Variants in SHISA9 observed in about 807,000 individuals in gnomAD.
SHISA9 encodes the protein protein shisa-9.
A neutral mutation model predicts 38.0 loss-of-function variants in SHISA9; 13 were observed. The ratio of observed to expected loss-of-function variants is 0.34; its 90% CI spans 0.22 to 0.54. The LOEUF (loss-of-function observed/expected upper bound fraction) is 0.54. Ranked by LOEUF, SHISA9 falls within the 20% of genes least tolerant of loss-of-function variation. SHISA9 has a pLI of 0.91. For synonymous variants in SHISA9, 275 were observed against 242.0 expected, an observed-to-expected ratio of 1.14 and a Z score of -1.27; for missense variants, 538 against 575.8, an observed-to-expected ratio of 0.93 and a Z score of 0.67.
At chr16:13,246,862 A>G in the SHISA9 span, among the ~76,000 whole-genome samples, 1 of 152,112 alleles carries the variant, frequency 6.6e-6, no homozygotes, top group Admixed American at 6.6e-5. Flanking sequence ...AAAAAAAACA[A>G]TAAATGTTAT....
At chr16:13,077,370 A>G (rs561875699) in intron 2 of SHISA9, among the ~76,000 whole-genome samples, 66 of 152,150 alleles carry the variant, frequency 4.3e-4, no homozygotes, top group African/African-American at 1.6e-3. Context: ...TTGTCCTCAT[A>G]TTGAAGCACA....
chr16:13,560,633 G>C, the SHISA9 span, among the ~76,000 whole-genome samples: 1 of 151,830 alleles, frequency 6.6e-6, no homozygotes, highest in Non-Finnish European at 1.5e-5. Flanking sequence ...CTAGGTTCTA[G>C]GGATACAGAG....
the SHISA9 span, among the ~76,000 whole-genome samples, chr16:13,430,743 AC>A: frequency 1.6e-3 from 135 of 83,340 alleles, no homozygotes; most frequent in African/African-American, 3.9e-3. Context: ...CCATCTCTAA[AC>A]AAAAAAAAAA....
chr16:13,267,256 C>T, the SHISA9 span, among the ~76,000 whole-genome samples: 1 of 152,064 alleles, frequency 6.6e-6, no homozygotes, highest in Non-Finnish European at 1.5e-5. Flanking sequence ...AAATAAAAAT[C>T]ACAAGGAGGA....
Position 12,945,412 on chromosome 16 carries a change from TTTTATTTTTA to T in SHISA9, c.691+28603_691+28612del, listed in dbSNP as rs2141766053. On this transcript the variant is annotated intron_variant, in intron 2 of 4. Transcript: ENST00000558583. ...TGGATTCCTGGAAGAGAGAACTCTG[TTTTATTTTTA>T]TTTATAAAATCAATAAGTGTTATTT... is the stretch of plus-strand genomic sequence containing the variant. Among the ~76,000 whole-genome samples the T allele has an allele frequency of 1.3e-5, 2 of 152,302 alleles. 1 individual carries two copies. The highest frequency in any genetic ancestry group is 4.1e-4 in the South Asian group (2 of 4,828).
the SHISA9 span, among the ~76,000 whole-genome samples, chr16:13,362,557 G>A: frequency 6.6e-6 from 1 of 152,228 alleles, no homozygotes; most frequent in Non-Finnish European, 1.5e-5. Flanking sequence ...ATGAAGCAGG[G>A]AGTGGAGAAG....
chr16:13,494,529 T>G, the SHISA9 span, among the ~76,000 whole-genome samples: 1 of 151,744 alleles, frequency 6.6e-6, no homozygotes, highest in East Asian at 1.9e-4. Context: ...GCACTCAAAA[T>G]GCATAGAAAG....
At chr16:13,408,105 G>A in the SHISA9 span, among the ~76,000 whole-genome samples, 1 of 152,116 alleles carries the variant, frequency 6.6e-6, no homozygotes, top group Non-Finnish European at 1.5e-5. Context: ...TTTAGCAGAA[G>A]CTCTTTAGGG....
rs557408241 is a variant in SHISA9 at position 13,166,017 on chromosome 16, A to G, written c.692-37377A>G. The stretch of plus-strand genomic sequence containing the variant: ...GCCAGCTACTGAATTCTCCATGGGA[A>G]GCCATCCTCATAGTAATAGTTATTA... On this transcript the variant is annotated intron_variant, in intron 2 of 4. Coordinates refer to ENST00000558583, the MANE Select transcript of SHISA9 (RefSeq NM_001145204.3). Among the ~76,000 whole-genome samples the G allele has an allele frequency of 3.3e-5, 5 of 152,318 alleles. No individual in the cohort carries two copies. The East Asian group carries it at 9.7e-4, about 29-fold the overall frequency.
At chr16:13,135,773 G>A (rs139613147) in intron 2 of SHISA9, among the ~76,000 whole-genome samples, 150 of 152,268 alleles carry the variant, frequency 9.9e-4, no homozygotes, top group African/African-American at 3.5e-3. Flanking sequence ...AGATGCAAGG[G>A]CCAGCAAAAG....
intron 2 of SHISA9, among the ~76,000 whole-genome samples, chr16:12,922,769 C>G (rs1489612724): frequency 6.6e-6 from 1 of 152,124 alleles, no homozygotes; most frequent in Non-Finnish European, 1.5e-5. Flanking sequence ...ATCCACGTGC[C>G]TTAGCCTCCC....
At chr16:13,018,537 C>T (rs1354202362) in intron 2 of SHISA9, among the ~76,000 whole-genome samples, 1 of 152,178 alleles carries the variant, frequency 6.6e-6, no homozygotes, top group East Asian at 1.9e-4. Context: ...GCGAAGGTTC[C>T]ATCGGGATGA....
chr16:13,367,183 T>A, the SHISA9 span, among the ~76,000 whole-genome samples: 1 of 151,350 alleles, frequency 6.6e-6, no homozygotes, highest in South Asian at 2.1e-4. Flanking sequence ...AAATAAAATG[T>A]CCAAGAATGA....
chr16:12,914,844 G>T (rs530641935), intron 1 of SHISA9, among the ~76,000 whole-genome samples: 26 of 152,324 alleles, frequency 1.7e-4, no homozygotes, highest in African/African-American at 6.0e-4. Flanking sequence ...ACTCAGGAGG[G>T]CTAGATGGAT....
chr16:13,515,988 T>G, the SHISA9 span, among the ~76,000 whole-genome samples: 1 of 152,248 alleles, frequency 6.6e-6, no homozygotes, highest in Non-Finnish European at 1.5e-5. Context: ...ACACCTTTAA[T>G]GGACTGGATA....
chr16:13,492,467 G>A, the SHISA9 span, among the ~76,000 whole-genome samples: 1 of 152,120 alleles, frequency 6.6e-6, no homozygotes, highest in Non-Finnish European at 1.5e-5. Flanking sequence ...TCTTGGCAAG[G>A]GATTTTTAGA....
At chr16:12,955,194 G>C (rs998216088) in intron 2 of SHISA9, among the ~76,000 whole-genome samples, 1 of 152,030 alleles carries the variant, frequency 6.6e-6, no homozygotes, top group Non-Finnish European at 1.5e-5. Flanking sequence ...CTAGACAATG[G>C]GCATGTCAGG....
chr16:12,931,965 T>C (rs2071467215), intron 2 of SHISA9, among the ~76,000 whole-genome samples: 5 of 152,326 alleles, frequency 3.3e-5, no homozygotes, highest in Admixed American at 2.6e-4. Context: ...GATTTAATCA[T>C]GGAGGGCAAG....
At chr16:13,215,755 A>G (rs1413945023) in intron 4 of SHISA9, among the ~76,000 whole-genome samples, 2 of 152,126 alleles carry the variant, frequency 1.3e-5, no homozygotes, top group Admixed American at 6.6e-5. Flanking sequence ...CCCAGTGAGA[A>G]CCAAGTTCCT....
Sources: allele counts gnomAD v4.1 joint callset (sites outside exome capture counted in the v4.1 genomes callset), GRCh38; gene constraint gnomAD v4.1.1; transcripts MANE v1.5; gene names NCBI Gene and HGNC (gene_info 2026-07-23, HGNC 2026-07-21).